Variants in TYW1 observed in about 807,000 individuals in gnomAD.
TYW1 encodes the protein S-adenosyl-L-methionine-dependent tRNA 4-demethylwyosine synthase TYW1.
A neutral mutation model predicts 96.2 loss-of-function variants in TYW1; 46 were observed. That is an observed-to-expected ratio of 0.48 (90% CI 0.38 to 0.61). The LOEUF is 0.61. Among genes scored for constraint, TYW1 ranks in the 20% least tolerant of loss-of-function variants. The pLI, the probability that TYW1 is intolerant of heterozygous loss-of-function variation, is 0.00. For synonymous variants in TYW1, 274 were observed against 323.0 expected, an observed-to-expected ratio of 0.85 and a Z score of 1.63; for missense variants, 684 against 909.6, an observed-to-expected ratio of 0.75 and a Z score of 3.19.
intron 15 of TYW1, among the ~76,000 whole-genome samples, chr7:67,198,961 C>T (rs182117050): frequency 6.6e-5 from 10 of 151,826 alleles, no homozygotes; most frequent in Admixed American, 3.3e-4. Context: ...TTTGGGAGAC[C>T]GAGGCAGGTG....
chr7:67,203,812 C>T (rs1800679715), intron 15 of TYW1, among the ~76,000 whole-genome samples: 1 of 152,132 alleles, frequency 6.6e-6, no homozygotes, highest in South Asian at 2.1e-4. Flanking sequence ...TCTCTTAGAG[C>T]CAGTGTGATA....
At position 67,058,384 on chromosome 7, in the gene TYW1, T is replaced by C. The variant is rs551856746; in HGVS notation, c.1155+2497T>C. 3.2e-4 allele frequency among the ~76,000 whole-genome samples: 48 copies of C among 152,324 alleles called. No homozygotes were observed. In the South Asian group the frequency reaches 9.7e-3, roughly 31 times the overall value. ...TTCAATGTCTGTATTCCTAGAGCGG[T>C]GTGGCAGGAGCTCTTCAGGGGGTCA... On this transcript the variant is annotated intron_variant, in intron 9 of 15. Transcript: ENST00000359626.
intron 15 of TYW1, among the ~76,000 whole-genome samples, chr7:67,212,828 T>C (rs1801080216): frequency 6.6e-6 from 1 of 152,212 alleles, no homozygotes; most frequent in South Asian, 2.1e-4. Context: ...ATGTGTCTGC[T>C]CAGATCTTGT....
chr7:67,208,742 T>C (rs1006254800), intron 15 of TYW1, among the ~76,000 whole-genome samples: 1 of 151,322 alleles, frequency 6.6e-6, no homozygotes, highest in Non-Finnish European at 1.5e-5. Context: ...CAGACATCAG[T>C]TGAATATTTA....
intron 15 of TYW1, among the ~76,000 whole-genome samples, chr7:67,226,014 C>A (rs1047211878): frequency 2.7e-5 from 4 of 150,396 alleles, no homozygotes; most frequent in African/African-American, 9.9e-5. Flanking sequence ...GTAGCTACAA[C>A]CAGCAAGAAC....
Position 67,196,281 on chromosome 7 carries a change from A to G in TYW1, c.1977+944A>G, listed in dbSNP as rs71563188. Among the ~76,000 whole-genome samples the G allele has an allele frequency of 7.3e-3, 1,111 of 151,722 alleles. 12 individuals carry two copies. The highest frequency in any genetic ancestry group is 0.051 in the Middle Eastern group (15 of 294). On this transcript the variant is annotated intron_variant, in intron 15 of 15. Coordinates refer to ENST00000359626, the MANE Select transcript of TYW1 (RefSeq NM_018264.4). ...AAAAATGCTATTTTGTATAATTTCT[A>G]TTTCCCTGCTGAAGTTTTCAAGCTT...
rs576654832 is a variant in TYW1 at position 67,098,775 on chromosome 7, A to T, written c.1562+57A>T. Reference sequence around the variant, plus strand: ...TTGAATCTATGTTTCACTGCAAAGTAAAACTAATAGGCATTAATGCAATCA... The same window carrying T: ...TTGAATCTATGTTTCACTGCAAAGTTAAACTAATAGGCATTAATGCAATCA... On this transcript the variant is annotated intron_variant, in intron 12 of 15. Transcript: ENST00000359626. 1.5e-4 allele frequency: 223 copies of T among 1,488,116 alleles called. 3 individuals are homozygous for T. The highest frequency in any genetic ancestry group is 1.3e-3 in the Middle Eastern group (7 of 5,504). 92.2% of individuals were successfully genotyped at this position (1,488,116 alleles called of 1,614,324 possible). A position where few individuals can be genotyped will look rare whatever the true frequency, so the allele number is the denominator to read the frequency against.
At chr7:67,026,634 T>G (rs1794463551) in intron 7 of TYW1, among the ~76,000 whole-genome samples, 1 of 151,720 alleles carries the variant, frequency 6.6e-6, no homozygotes, top group Admixed American at 6.6e-5. Context: ...ATAATAGTTA[T>G]GAAAACCCTG....
intron 6 of TYW1, among the ~76,000 whole-genome samples, chr7:67,018,977 A>G (rs200488789): frequency 1.0e-5 from 1 of 100,422 alleles, no homozygotes; most frequent in Non-Finnish European, 2.2e-5. Flanking sequence ...AAAAAAAGAA[A>G]AAAACAAAAT....
At chr7:67,163,182 T>C (rs1799213708) in intron 13 of TYW1, among the ~76,000 whole-genome samples, 1 of 152,156 alleles carries the variant, frequency 6.6e-6, no homozygotes, top group African/African-American at 2.4e-5. Flanking sequence ...AGCACCCTCA[T>C]CTAATTTCTC....
At chr7:67,024,782 AAG>A (rs1299185813) in intron 6 of TYW1, 116 bp from the exon 7 acceptor site, 3 of 1,437,080 alleles carry the variant, frequency 2.1e-6, no homozygotes, top group Non-Finnish European at 2.8e-6. Flanking sequence ...CCCTGTCTCA[AAG>A]AAAAAAAAAA....
intron 7 of TYW1, among the ~76,000 whole-genome samples, chr7:67,042,566 G>A (rs1795062414): frequency 6.6e-6 from 1 of 152,138 alleles, no homozygotes; most frequent in African/African-American, 2.4e-5. Context: ...GATGGGGTAG[G>A]ATCCTAGAGG....
chr7:67,024,064 G>A (rs1443458837), intron 6 of TYW1, among the ~76,000 whole-genome samples: 2 of 152,028 alleles, frequency 1.3e-5, no homozygotes, highest in Admixed American at 6.6e-5. Flanking sequence ...TATGTGTCTC[G>A]TTCCCCTGAG....
At chr7:67,098,203 A>G (rs1429037375) in intron 11 of TYW1, among the ~76,000 whole-genome samples, 1 of 152,228 alleles carries the variant, frequency 6.6e-6, no homozygotes, top group African/African-American at 2.4e-5. Context: ...TTATGCAGAT[A>G]TACTGAGTTC....
At chr7:67,081,699 TCCTTCTC>T (rs1796397828) in intron 10 of TYW1, among the ~76,000 whole-genome samples, 2 of 151,290 alleles carry the variant, frequency 1.3e-5, no homozygotes, top group African/African-American at 4.8e-5. Context: ...TATCCTTTCT[TCCTTCTC>T]CCTTCTCTCT....
chr7:67,162,660 T>C (rs1406085218), intron 13 of TYW1, among the ~76,000 whole-genome samples: 1 of 152,194 alleles, frequency 6.6e-6, no homozygotes, highest in Non-Finnish European at 1.5e-5. Flanking sequence ...GAGTGATGGA[T>C]AGATTTTGTG....
At chr7:67,107,448 G>A (rs1003093326) in intron 12 of TYW1, among the ~76,000 whole-genome samples, 1 of 152,214 alleles carries the variant, frequency 6.6e-6, no homozygotes, top group Non-Finnish European at 1.5e-5. Context: ...GCTAAAGAGA[G>A]AGAGAGAAAG....
At chr7:67,009,489 A>G in intron 3 of TYW1, 94 bp from the exon 4 acceptor site, 1 of 1,081,486 alleles carries the variant, frequency 9.2e-7, no homozygotes, top group Admixed American at 2.4e-5. Flanking sequence ...AATATTTTTC[A>G]TGAGGAATGC....
chr7:67,072,588 T>G (rs990615693), intron 10 of TYW1, among the ~76,000 whole-genome samples: 2 of 152,138 alleles, frequency 1.3e-5, no homozygotes, highest in Non-Finnish European at 2.9e-5. Context: ...ATAGATTTTT[T>G]TTTAACATAA....
Sources: gnomAD v4.1 joint callset for allele counts (sites outside exome capture counted in the v4.1 genomes callset) on GRCh38, gnomAD v4.1.1 for gene constraint, MANE v1.5 for transcripts, NCBI Gene and HGNC (gene_info 2026-07-23, HGNC 2026-07-21) for gene names.